The following ENTPD1 variants were observed in gnomAD, a reference collection of about 807,000 sequenced individuals.
The protein encoded by ENTPD1 is ectonucleoside triphosphate diphosphohydrolase 1.
A neutral mutation model predicts 57.0 loss-of-function variants in ENTPD1; 33 were observed. The observed-to-expected ratio is 0.58, with a 90% CI of 0.44 to 0.77. ENTPD1 has a LOEUF of 0.77. Ranked by LOEUF, ENTPD1 falls within the 30% of genes least tolerant of loss-of-function variation. The pLI is 0.00. For synonymous variants in ENTPD1, 202 were observed against 218.8 expected (o/e 0.92, Z 0.68); for missense variants, 501 against 603.4 (o/e 0.83, Z 1.78).
upstream of ENTPD1, among the ~76,000 whole-genome samples, chr10:95,707,155 G>C (rs1240615229): frequency 1.3e-5 from 2 of 152,214 alleles, no homozygotes; most frequent in Non-Finnish European, 2.9e-5. Context: ...GCGGGGACCT[G>C]GTCTGCAGCT....
chr10:95,730,238 A>G (rs1187099330), intron 1 of ENTPD1, among the ~76,000 whole-genome samples: 1 of 147,874 alleles, frequency 6.8e-6, no homozygotes, highest in African/African-American at 2.5e-5. Context: ...TTTTTTTGTT[A>G]CAGACAAGGT....
At chr10:95,864,596 A>T in intron 8 of ENTPD1, 128 bp from the exon 9 acceptor site, 2 of 1,292,476 alleles carry the variant, frequency 1.5e-6, no homozygotes, top group South Asian at 1.2e-5. Context: ...ACCCTCTGGA[A>T]GAGGCCAACC....
At chr10:95,851,295 G>A (rs1450238587) in intron 7 of ENTPD1, among the ~76,000 whole-genome samples, 5 of 151,618 alleles carry the variant, frequency 3.3e-5, no homozygotes, top group Non-Finnish European at 7.4e-5. Flanking sequence ...TGTGGTTTCA[G>A]ACCATGAATT....
At chr10:95,808,406 T>G (rs1000868437) in intron 1 of ENTPD1, among the ~76,000 whole-genome samples, 3 of 152,216 alleles carry the variant, frequency 2.0e-5, no homozygotes, top group African/African-American at 7.2e-5. Flanking sequence ...CTGCCAGGTT[T>G]TGGTATCAGG....
chr10:95,740,721 C>T (rs1000743138), intron 1 of ENTPD1, among the ~76,000 whole-genome samples: 1 of 152,208 alleles, frequency 6.6e-6, no homozygotes, highest in Non-Finnish European at 1.5e-5. Flanking sequence ...TTAGCATGAT[C>T]TTCTGGATAC....
intron 1 of ENTPD1, among the ~76,000 whole-genome samples, chr10:95,795,566 C>T (rs983456639): frequency 2.6e-5 from 4 of 152,076 alleles, no homozygotes; most frequent in African/African-American, 4.8e-5. Flanking sequence ...CCATGGGGTC[C>T]GGTGAGATCA....
chr10:95,711,483 T>C (rs1328734925), upstream of ENTPD1, among the ~76,000 whole-genome samples: 1 of 152,200 alleles, frequency 6.6e-6, no homozygotes, highest in Non-Finnish European at 1.5e-5. Flanking sequence ...AATTCCCCTA[T>C]ATCTTTTATT....
At chr10:95,708,222 T>A (rs79600378), upstream of ENTPD1, among the ~76,000 whole-genome samples, 48 of 147,822 alleles carry the variant, frequency 3.2e-4, no homozygotes, top group African/African-American at 1.2e-3. Context: ...TATTTTATTT[T>A]TTTTTTTTTT....
rs1398417046 is a variant in ENTPD1 at position 95,735,163 on chromosome 10, C to T, written c.37+23170C>T. On this transcript the variant is annotated intron_variant, in intron 1 of 9. Transcript: ENST00000453258. Reference sequence around the variant, plus strand: ...TCTCTTGCCTCAGCCTCCTGAGTAACTAGGACTACAGGTGTGTGCCACCAC... The same window carrying T: ...TCTCTTGCCTCAGCCTCCTGAGTAATTAGGACTACAGGTGTGTGCCACCAC... Among the ~76,000 whole-genome samples, 5 of 151,242 alleles carry T rather than the reference C, an allele frequency of 3.3e-5. No homozygotes were observed. In the South Asian group the frequency reaches 1.0e-3, roughly 32 times the overall value.
chr10:95,729,656 C>T (rs546870459), intron 1 of ENTPD1, among the ~76,000 whole-genome samples: 16 of 152,272 alleles, frequency 1.1e-4, no homozygotes, highest in South Asian at 2.1e-4. Flanking sequence ...TTTATGTTCC[C>T]TTTTATGAAA....
chr10:95,839,949 T>C (rs2098419103), intron 3 of ENTPD1, 141 bp downstream of exon 3: 2 of 786,002 alleles, frequency 2.5e-6, no homozygotes, highest in African/African-American at 1.7e-5. Context: ...GCTGTTGTTA[T>C]GTTATCGTTA....
intron 7 of ENTPD1, 113 bp downstream of exon 7, chr10:95,847,819 G>A (rs776768245): frequency 1.3e-6 from 2 of 1,498,188 alleles, no homozygotes; most frequent in South Asian, 2.3e-5. Context: ...ATGTCTTGAG[G>A]TAGATGATTA....
chr10:95,785,861 G>A (rs1367343241), intron 1 of ENTPD1, among the ~76,000 whole-genome samples: 1 of 152,162 alleles, frequency 6.6e-6, no homozygotes, highest in Non-Finnish European at 1.5e-5. Context: ...GTGATAATTT[G>A]ATGAACAATG....
In ENTPD1 at chr10:95,872,442, G is replaced by A. The variant is rs2098481523; in HGVS notation, c.*6059G>A. On this transcript the variant is annotated 3_prime_UTR_variant, in exon 10 of 10. Transcript: ENST00000371205. ...CTGTTCACCCAACACCACTCAGGTT[G>A]TCTTCTCAACTTGGAATACTCTTGC... is the stretch of plus-strand genomic sequence containing the variant. 1.0e-6 allele frequency: 1 copy of A among 985,270 alleles called. No homozygotes were observed. Among genetic ancestry groups the A allele is most frequent in the Admixed American group, 6.1e-5 (1 of 16,264 alleles). 61.0% of individuals were successfully genotyped at this position (985,270 alleles called of 1,614,324 possible). A position where few individuals can be genotyped will look rare whatever the true frequency, so the allele number is the denominator to read the frequency against.
intron 1 of ENTPD1, among the ~76,000 whole-genome samples, chr10:95,778,556 G>A (rs1352401771): frequency 3.3e-5 from 5 of 152,116 alleles, no homozygotes; most frequent in Non-Finnish European, 1.5e-5. Flanking sequence ...AGAATGCAAT[G>A]GATAAAATTT....
chr10:95,869,921 T>C lies in ENTPD1; in HGVS notation c.*3538T>C. On this transcript the variant is annotated 3_prime_UTR_variant, in exon 10 of 10. Transcript: ENST00000371205. ...GGACTAGCTGTGTGTTCACCTCACA[T>C]GTGGCTTGTAGCTACCATACTGGAC... 3.1e-6 allele frequency: 3 copies of C among 967,906 alleles called. No homozygotes were observed. The highest frequency in any genetic ancestry group is 3.7e-6 in the Non-Finnish European group (3 of 814,022). The allele number at this position is 967,906 out of a possible 1,614,324, so 60.0% of individuals were successfully genotyped here. A position where few individuals can be genotyped will look rare whatever the true frequency, so the allele number is the denominator to read the frequency against.
intron 1 of ENTPD1, among the ~76,000 whole-genome samples, chr10:95,749,672 C>A (rs151177407): frequency 0.017 from 2,540 of 152,122 alleles, 49 homozygotes; most frequent in Non-Finnish European, 0.022. Flanking sequence ...GCATTCCAGG[C>A]AGAAAGAACA....
At chr10:95,835,440 C>T (rs575332004) in intron 2 of ENTPD1, among the ~76,000 whole-genome samples, 35 of 152,146 alleles carry the variant, frequency 2.3e-4, no homozygotes, top group East Asian at 7.7e-4. Flanking sequence ...ATTTGTTTTC[C>T]TTTGGGTATA....
intron 1 of ENTPD1, among the ~76,000 whole-genome samples, chr10:95,822,174 A>C (rs2098355140): frequency 6.7e-6 from 1 of 149,658 alleles, no homozygotes; most frequent in South Asian, 2.1e-4. Flanking sequence ...TAATTTTTGT[A>C]TTTTCAGTAG....
Sources: gnomAD v4.1 joint callset for allele counts (sites outside exome capture counted in the v4.1 genomes callset) on GRCh38, gnomAD v4.1.1 for gene constraint, MANE v1.5 for transcripts, NCBI Gene and HGNC (gene_info 2026-07-23, HGNC 2026-07-21) for gene names.